Variants in ABLIM1 observed in about 807,000 individuals in gnomAD.
ABLIM1 encodes actin-binding LIM protein 1.
Under a neutral mutation model 107.0 loss-of-function variants are expected in ABLIM1, and 40 were observed. That is an observed-to-expected ratio of 0.37 (90% confidence interval 0.29 to 0.49). The LOEUF is 0.49. ABLIM1 is among the 20% of genes least tolerant of loss of function. The probability of loss-of-function intolerance (pLI) is 0.97; values close to 1 mark genes in which losing one functional copy is unlikely to be tolerated. For synonymous variants in ABLIM1, 357 were observed against 357.3 expected, an observed-to-expected ratio of 1.00 and a Z score of 0.01; for missense variants, 857 against 1,008.5, an observed-to-expected ratio of 0.85 and a Z score of 2.04.
intron 1 of ABLIM1, among the ~76,000 whole-genome samples, chr10:114,681,005 G>C (rs2080723756): frequency 6.6e-6 from 1 of 152,140 alleles, no homozygotes; most frequent in Non-Finnish European, 1.5e-5. Flanking sequence ...ATTAGAGACA[G>C]ACTATTACAG....
At chr10:114,493,117 G>T (rs963947784) in intron 6 of ABLIM1, among the ~76,000 whole-genome samples, 1 of 152,108 alleles carries the variant, frequency 6.6e-6, no homozygotes, top group African/African-American at 2.4e-5. Flanking sequence ...GGAGAGTGGC[G>T]AGAGAAGGCG....
At chr10:114,747,670 C>A (rs533614668) in intron 1 of ABLIM1, among the ~76,000 whole-genome samples, 2 of 152,190 alleles carry the variant, frequency 1.3e-5, no homozygotes, top group Non-Finnish European at 2.9e-5. Context: ...TACAAATGAT[C>A]CAGTTTACAA....
chr10:114,607,317 C>T (rs1415526461), intron 1 of ABLIM1, among the ~76,000 whole-genome samples: 1 of 152,208 alleles, frequency 6.6e-6, no homozygotes, highest in Non-Finnish European at 1.5e-5. Context: ...GGCTCTGCCT[C>T]CCGAAGTGTT....
chr10:114,568,119 A>G (rs1399830001), intron 4 of ABLIM1, among the ~76,000 whole-genome samples: 7 of 145,252 alleles, frequency 4.8e-5, no homozygotes, highest in Non-Finnish European at 4.5e-5. Flanking sequence ...GAACCCGGGA[A>G]GCGGAGCTTG....
chr10:114,771,019 C>T (rs1399193458), upstream of ABLIM1, among the ~76,000 whole-genome samples: 6 of 152,082 alleles, frequency 3.9e-5, no homozygotes, highest in Admixed American at 1.3e-4. Context: ...TTAGTAGAGA[C>T]GGGGTTTTAC....
chr10:114,436,592 A>G (rs568600841), intron 22 of ABLIM1, among the ~76,000 whole-genome samples: 12 of 152,302 alleles, frequency 7.9e-5, no homozygotes, highest in Admixed American at 7.8e-4. Flanking sequence ...CAGAGTATTA[A>G]TGGGGATTAT....
At chr10:114,684,863 A>G (rs999069228) in exon 1 of ABLIM1, 7 of 376,028 alleles carry the variant, frequency 1.9e-5, no homozygotes, top group African/African-American at 4.4e-5. Context: ...ATGAATTACT[A>G]TCTCAACCAG....
intron 4 of ABLIM1, among the ~76,000 whole-genome samples, chr10:114,560,954 T>G (rs113181482): frequency 0.017 from 2,647 of 152,300 alleles, 75 homozygotes; most frequent in African/African-American, 0.061. Flanking sequence ...TGGAACTAGA[T>G]AGAGGTGATG....
intron 1 of ABLIM1, among the ~76,000 whole-genome samples, chr10:114,759,251 A>G (rs1039784371): frequency 6.6e-6 from 1 of 152,270 alleles, no homozygotes; most frequent in Non-Finnish European, 1.5e-5. Context: ...TTAAAATCAT[A>G]CAATATGCTG....
chr10:114,535,117 A>C (rs1340158075), intron 6 of ABLIM1, among the ~76,000 whole-genome samples: 1 of 152,178 alleles, frequency 6.6e-6, no homozygotes, highest in Non-Finnish European at 1.5e-5. Flanking sequence ...TTCTCCAGTA[A>C]AGTGTTGCAA....
intron 4 of ABLIM1, 145 bp from the exon 5 acceptor site, chr10:114,547,921 C>A (rs1274937544): frequency 1.7e-6 from 2 of 1,177,936 alleles, no homozygotes; most frequent in South Asian, 1.6e-5. Flanking sequence ...TCTTTCCCTG[C>A]ACAAAATCTT....
intron 2 of ABLIM1, among the ~76,000 whole-genome samples, chr10:114,589,916 T>C (rs1191187828): frequency 1.3e-5 from 2 of 152,138 alleles, no homozygotes; most frequent in Non-Finnish European, 2.9e-5. Flanking sequence ...GTCCTAGGCC[T>C]TCACAGTCAC....
At chr10:114,670,754 C>G (rs1202114007) in intron 1 of ABLIM1, among the ~76,000 whole-genome samples, 1 of 152,216 alleles carries the variant, frequency 6.6e-6, no homozygotes, top group Non-Finnish European at 1.5e-5. Context: ...AAGTCAATCT[C>G]GAAGTGTTGG....
chr10:114,436,256 G>A lies in ABLIM1; in HGVS notation c.*4C>T, dbSNP rs371635584. ...TTTCTCTAATTGCCATTCACGAGTG[G>A]GACTTAGAAGAGTTTTGCTTTTTTC... On this transcript the variant is annotated 3_prime_UTR_variant, in exon 23 of 23. Coordinates refer to ENST00000533213, the MANE Select transcript of ABLIM1 (RefSeq NM_002313.7). 2.5e-6 allele frequency: 4 copies of A among 1,608,730 alleles called. No homozygotes were observed. The highest frequency in any genetic ancestry group is 3.4e-6 in the Non-Finnish European group (4 of 1,175,432).
chr10:114,568,763 T>C (rs535781451), intron 4 of ABLIM1, among the ~76,000 whole-genome samples: 7 of 152,170 alleles, frequency 4.6e-5, no homozygotes, highest in Non-Finnish European at 1.0e-4. Flanking sequence ...AAGGAGAAAA[T>C]ACAACTTGGC....
chr10:114,512,984 CGA>C (rs1005738968), intron 6 of ABLIM1, among the ~76,000 whole-genome samples: 3 of 152,012 alleles, frequency 2.0e-5, no homozygotes, highest in Non-Finnish European at 2.9e-5. Flanking sequence ...TACCAAAACT[CGA>C]GAGTTTTTTC....
chr10:114,555,233 T>A (rs1019506826), intron 4 of ABLIM1, among the ~76,000 whole-genome samples: 4 of 152,294 alleles, frequency 2.6e-5, no homozygotes, highest in African/African-American at 9.6e-5. Flanking sequence ...TCAGTTTACC[T>A]TAGGGCTCCC....
intron 6 of ABLIM1, among the ~76,000 whole-genome samples, chr10:114,529,089 G>A (rs756782083): frequency 7.9e-5 from 12 of 151,390 alleles, no homozygotes; most frequent in Middle Eastern, 3.2e-3. Flanking sequence ...TAACTTGAGC[G>A]TCAGAATTAG....
chr10:114,457,356 G>A (rs751413773), intron 12 of ABLIM1, among the ~76,000 whole-genome samples: 5 of 151,690 alleles, frequency 3.3e-5, no homozygotes, highest in African/African-American at 7.3e-5. Flanking sequence ...TGTAACCTCC[G>A]CCTCCCAGGT....
Sources: gnomAD v4.1 joint callset for allele counts (sites outside exome capture counted in the v4.1 genomes callset) on GRCh38, gnomAD v4.1.1 for gene constraint, MANE v1.5 for transcripts, NCBI Gene and HGNC (gene_info 2026-07-23, HGNC 2026-07-21) for gene names.